Variants in HBS1L observed in about 807,000 individuals in gnomAD.
The protein encoded by HBS1L is HBS1-like protein.
HBS1L carries 55 observed loss-of-function variants against 88.9 expected under a neutral mutation model. The observed-to-expected ratio is 0.62, with a 90% CI of 0.50 to 0.77. The LOEUF (loss-of-function observed/expected upper bound fraction) is 0.77, where lower values mean the gene tolerates loss of function less well. Among genes scored for constraint, HBS1L ranks in the 30% least tolerant of loss-of-function variants. The pLI, the probability that HBS1L is intolerant of heterozygous loss-of-function variation, is 0.00. For synonymous variants in HBS1L, 267 were observed against 288.5 expected, an observed-to-expected ratio of 0.93 and a Z score of 0.76; for missense variants, 741 against 829.3, an observed-to-expected ratio of 0.89 and a Z score of 1.31.
chr6:134,980,972 G>T (rs1323825172), intron 13 of HBS1L, among the ~76,000 whole-genome samples: 3 of 151,880 alleles, frequency 2.0e-5, no homozygotes, highest in Non-Finnish European at 2.9e-5. Context: ...CTCTCAAGAA[G>T]TAGGGTGGTT....
chr6:135,046,666 C>T (rs1311482552), intron 2 of HBS1L, among the ~76,000 whole-genome samples: 1 of 152,108 alleles, frequency 6.6e-6, no homozygotes, highest in Non-Finnish European at 1.5e-5. Flanking sequence ...TGAGACAAGC[C>T]TGGGCAGCAT....
rs201587174 is a variant in HBS1L, at chr6:134,967,328, T to TA, written c.1899-856dup. Among the ~76,000 whole-genome samples, 838 of 152,262 alleles carry TA rather than the reference T, an allele frequency of 5.5e-3. 8 individuals are homozygous for TA. The highest frequency in any genetic ancestry group is 0.017 in the African/African-American group (701 of 41,546). ...GGGGCAGACGACTAAAAGAAGGTTC[T>TA]AAAAAAATACACCAAAAATTCCAAA... On this transcript the variant is annotated intron_variant, in intron 16 of 17. Coordinates refer to ENST00000367837, the MANE Select transcript of HBS1L (RefSeq NM_006620.4).
rs146591717 is a variant in HBS1L, at chr6:135,049,060, G to A, written c.109+1522C>T. Among the ~76,000 whole-genome samples the A allele has an allele frequency of 6.3e-4, 96 of 152,260 alleles. 2 individuals carry two copies. The East Asian group carries it at 0.017, about 28-fold the overall frequency. ...GGTACAGTTTATAAGACAGCCCAGC[G>A]GACTAGAGGGTAATTAAGACAAGGA... On this transcript the variant is annotated intron_variant, in intron 2 of 17. Coordinates refer to ENST00000367837, the MANE Select transcript of HBS1L (RefSeq NM_006620.4).
At position 134,979,247 on chromosome 6, in the gene HBS1L, G is replaced by T; in HGVS notation, c.1619C>A (p.Pro540His). The change falls in exon 14 of 18, where the codon CCT becomes CAT. Residue 540 changes from proline to histidine, a missense_variant. By Grantham distance (77) the Pro-to-His change is moderately conservative. This residue lies in a region of HBS1L where 181 missense variants were observed against 212.7 expected (regional missense o/e 0.85). Transcript: ENST00000367837. ...ATCGCCTGCTGCCGCCCAGTCGACA[G>T]GTTCATCATGCAGAGTGATTCCTGG... ...TVKGITLHDE[P>H]VDWAAAGDHV... The T allele has an allele frequency of 6.2e-7, 1 of 1,611,884 alleles. No homozygotes were observed. The highest frequency in any genetic ancestry group is 8.5e-7 in the Non-Finnish European group (1 of 1,178,440).
rs1255177774 is a variant in HBS1L, at chr6:135,042,146, A to C, written c.110-20T>G. 3.7e-6 allele frequency: 6 copies of C among 1,608,858 alleles called. No homozygotes were observed. The highest frequency in any genetic ancestry group is 5.1e-6 in the Non-Finnish European group (6 of 1,177,116). On this transcript the variant is annotated intron_variant, in intron 2 of 17. Transcript: ENST00000367837. ...GAGCAGCTAGAATATAAAATGATCA[A>C]AGAATGCTATGGTATAGCCATTTCC... is the stretch of plus-strand genomic sequence containing the variant.
intron 4 of HBS1L, among the ~76,000 whole-genome samples, chr6:135,019,431 T>C (rs1184193268): frequency 6.6e-6 from 1 of 151,968 alleles, no homozygotes; most frequent in Non-Finnish European, 1.5e-5. Flanking sequence ...TCAAGGGTTC[T>C]AGAATCAGAG....
chr6:135,004,063 G>T (rs1447957937), intron 4 of HBS1L, among the ~76,000 whole-genome samples: 2 of 152,026 alleles, frequency 1.3e-5, no homozygotes, highest in Admixed American at 1.3e-4. Context: ...GAAACTGCAT[G>T]TGCTACATTG....
chr6:135,031,834 T>A (rs1487520530), intron 4 of HBS1L, among the ~76,000 whole-genome samples: 1 of 151,742 alleles, frequency 6.6e-6, no homozygotes, highest in Non-Finnish European at 1.5e-5. Flanking sequence ...GTTTTGTTTT[T>A]TCTTTTTTTT....
intron 4 of HBS1L, among the ~76,000 whole-genome samples, chr6:135,021,814 G>C (rs550875842): frequency 6.6e-6 from 1 of 152,210 alleles, no homozygotes; most frequent in East Asian, 1.9e-4. Context: ...TATTTTATAT[G>C]AGCCTCACCT....
At chr6:134,996,706 A>G (rs944539564) in intron 7 of HBS1L, 71 bp downstream of exon 7, 2 of 1,072,750 alleles carry the variant, frequency 1.9e-6, no homozygotes, top group African/African-American at 3.2e-5. Flanking sequence ...TTACAAATTC[A>G]ACACATATTA....
At chr6:134,998,283 A>G (rs1162336795) in intron 5 of HBS1L, among the ~76,000 whole-genome samples, 2 of 152,244 alleles carry the variant, frequency 1.3e-5, no homozygotes, top group Non-Finnish European at 2.9e-5. Context: ...AAAGATTACA[A>G]TCTAGTGAGG....
At position 135,019,149 on chromosome 6, in the gene HBS1L, G is replaced by T. The variant is rs188102954; in HGVS notation, c.431-16307C>A. On this transcript the variant is annotated intron_variant, in intron 4 of 17. Transcript: ENST00000367837. The stretch of plus-strand genomic sequence containing the variant: ...GAACTATAACCCTACTTTTGCAAAT[G>T]AGGAAACTGTGGCATAGTGTTAAGT... Among the ~76,000 whole-genome samples, 903 of 151,990 alleles carry T rather than the reference G, an allele frequency of 5.9e-3. 10 individuals carry two copies. The highest frequency in any genetic ancestry group is 7.3e-3 in the Non-Finnish European group (497 of 67,822).
intron 9 of HBS1L, among the ~76,000 whole-genome samples, 157 bp downstream of exon 9, chr6:134,987,484 TACTA>T (rs1210049444): frequency 6.6e-6 from 1 of 152,176 alleles, no homozygotes; most frequent in Non-Finnish European, 1.5e-5. Flanking sequence ...ACTTAAAAAT[TACTA>T]ACACCTCATT....
chr6:135,052,622 G>C (rs1777124114), intron 1 of HBS1L, among the ~76,000 whole-genome samples: 1 of 151,450 alleles, frequency 6.6e-6, no homozygotes, highest in Admixed American at 6.6e-5. Flanking sequence ...TTTTTTACTA[G>C]GTCAGTTTGT....
At chr6:134,975,577 G>T (rs1774620015) in intron 15 of HBS1L, among the ~76,000 whole-genome samples, 1 of 152,138 alleles carries the variant, frequency 6.6e-6, no homozygotes, top group Admixed American at 6.6e-5. Context: ...CAATGCAACA[G>T]AATAGAGAAC....
At chr6:134,971,804 T>C (rs186134884) in intron 15 of HBS1L, among the ~76,000 whole-genome samples, 2 of 152,300 alleles carry the variant, frequency 1.3e-5, no homozygotes, top group African/African-American at 4.8e-5. Flanking sequence ...ATTATTTATA[T>C]AGCACAACCT....
intron 12 of HBS1L, 72 bp downstream of exon 12, chr6:134,985,269 C>A (rs147418976): frequency 2.2e-6 from 2 of 909,302 alleles, no homozygotes; most frequent in South Asian, 1.8e-5. Flanking sequence ...ATAACTTAGT[C>A]CAGGAAAGGA....
chr6:134,976,769 G>C (rs1312164945), intron 15 of HBS1L, among the ~76,000 whole-genome samples: 4 of 152,002 alleles, frequency 2.6e-5, no homozygotes, highest in Non-Finnish European at 4.4e-5. Context: ...GGGCTTGAAG[G>C]GGGTGAGGGA....
intron 13 of HBS1L, among the ~76,000 whole-genome samples, chr6:134,980,742 A>G (rs1347574472): frequency 3.5e-5 from 5 of 143,238 alleles, no homozygotes; most frequent in African/African-American, 1.3e-4. Flanking sequence ...TATGAGCTTG[A>G]TATGTTAATA....
Sources: allele counts gnomAD v4.1 joint callset (sites outside exome capture counted in the v4.1 genomes callset), GRCh38; gene constraint gnomAD v4.1.1; regional missense constraint gnomAD v4.1.1; transcripts MANE v1.5; gene names NCBI Gene and HGNC (gene_info 2026-07-23, HGNC 2026-07-21).